Variants in NLGN4Y observed in about 807,000 individuals in gnomAD.
The protein encoded by NLGN4Y is neuroligin 4 Y-linked.
Under a neutral mutation model 8.4 loss-of-function variants are expected in NLGN4Y, and 4 were observed. The ratio of observed to expected loss-of-function variants is 0.48; its 90% confidence interval spans 0.23 to 1.09. The LOEUF is 1.09. Among genes scored for constraint, NLGN4Y ranks in the 50% least tolerant of loss-of-function variants. The probability of loss-of-function intolerance (pLI) is 0.19; values close to 1 mark genes in which losing one functional copy is unlikely to be tolerated. For missense variants in NLGN4Y, 90 were observed against 192.3 expected (o/e 0.47, Z 3.15); for synonymous variants, 35 against 75.6 (o/e 0.46, Z 2.78).
chrY:14,757,075 C>G, intron 4 of NLGN4Y, among the ~76,000 whole-genome samples: 3 of 28,570 alleles, frequency 1.1e-4, no homozygotes, highest in Non-Finnish European at 2.4e-4. Context: ...ATAGTCACAC[C>G]TCTTCAAATA....
Position 14,681,047 on chromosome Y carries a change from C to T in NLGN4Y, c.473-38412C>T, listed in dbSNP as rs764707542. ...GGCTGGTAGTCTTTAATGCAAGTCT[C>T]ATGGGCTATGCTGCACATACTCTTA... On this transcript the variant is annotated intron_variant, in intron 2 of 6. Transcript: ENST00000684976. Among the ~76,000 whole-genome samples the T allele has an allele frequency of 2.1e-4, 7 of 33,574 alleles. No individual in the cohort carries two copies. The East Asian group carries it at 5.6e-3, about 27-fold the overall frequency. The allele number at this position is 33,574 out of a possible 37,273, so 90.1% of individuals were successfully genotyped here.
chrY:14,704,005 AT>A (rs2080866354), intron 2 of NLGN4Y, among the ~76,000 whole-genome samples: 2 of 33,537 alleles, frequency 6.0e-5, no homozygotes, highest in African/African-American at 2.3e-4. Flanking sequence ...TTGCACATTG[AT>A]TTTGTATCCT....
intron 6 of NLGN4Y, among the ~76,000 whole-genome samples, chrY:14,834,554 C>G (rs2043190857): frequency 5.9e-5 from 2 of 34,114 alleles, no homozygotes; most frequent in Non-Finnish European, 1.5e-4. Flanking sequence ...TCAAATGATT[C>G]ATCAAGGAAG....
chrY:14,837,471 G>A, intron 6 of NLGN4Y, among the ~76,000 whole-genome samples: 3 of 33,615 alleles, frequency 8.9e-5, no homozygotes, highest in Non-Finnish European at 2.2e-4. Context: ...AGGAAGACAG[G>A]CATTGAGTCT....
chrY:14,836,579 C>T, intron 6 of NLGN4Y, among the ~76,000 whole-genome samples: 1 of 30,359 alleles, frequency 3.3e-5, no homozygotes, highest in Non-Finnish European at 7.9e-5. Flanking sequence ...ACTGCAACCT[C>T]CGCCTCTGGG....
At chrY:14,717,966 C>A (rs2080921742) in intron 2 of NLGN4Y, among the ~76,000 whole-genome samples, 1 of 33,682 alleles carries the variant, frequency 3.0e-5, no homozygotes, top group Admixed American at 2.7e-4. Flanking sequence ...ATGTGGTATA[C>A]CCATACAATG....
intron 2 of NLGN4Y, among the ~76,000 whole-genome samples, chrY:14,655,090 A>G: frequency 3.0e-5 from 1 of 33,022 alleles, no homozygotes; most frequent in African/African-American, 1.2e-4. Context: ...TGCTTTTTGT[A>G]TCCTACACTG....
chrY:14,795,690 A>G, intron 4 of NLGN4Y, among the ~76,000 whole-genome samples: 1 of 33,414 alleles, frequency 3.0e-5, no homozygotes, highest in Non-Finnish European at 7.4e-5. Flanking sequence ...TTCCTGCTTG[A>G]TTTGTGGGCT....
intron 1 of NLGN4Y, among the ~76,000 whole-genome samples, chrY:14,571,047 G>A (rs2080267562): frequency 6.1e-5 from 2 of 32,769 alleles, no homozygotes; most frequent in African/African-American, 2.4e-4. Flanking sequence ...GAATAGTGCA[G>A]CAATAAACAC....
intron 1 of NLGN4Y, among the ~76,000 whole-genome samples, chrY:14,569,618 C>T (rs2080262764): frequency 3.0e-5 from 1 of 33,159 alleles, no homozygotes; most frequent in East Asian, 7.9e-4. Context: ...ATTTATTTTC[C>T]TCTAGGTATA....
chrY:14,616,559 G>C, intron 1 of NLGN4Y, among the ~76,000 whole-genome samples: 1 of 32,824 alleles, frequency 3.0e-5, no homozygotes, highest in Non-Finnish European at 7.4e-5. Flanking sequence ...GATCTTTCCT[G>C]CTTTCCCTTG....
At chrY:14,782,084 G>A (rs1052307221) in intron 4 of NLGN4Y, among the ~76,000 whole-genome samples, 4 of 33,116 alleles carry the variant, frequency 1.2e-4, no homozygotes, top group Non-Finnish European at 3.0e-4. Context: ...GTCCCTGGAA[G>A]GTTTCATCAA....
intron 4 of NLGN4Y, among the ~76,000 whole-genome samples, chrY:14,819,371 T>A: frequency 2.9e-5 from 1 of 34,188 alleles, no homozygotes; most frequent in East Asian, 7.9e-4. Context: ...TAGCATGATA[T>A]CTTTCCAAGT....
intron 4 of NLGN4Y, among the ~76,000 whole-genome samples, chrY:14,739,901 T>A (rs747222512): frequency 3.1e-5 from 1 of 32,327 alleles, no homozygotes; most frequent in Non-Finnish European, 7.6e-5. Context: ...ATTGCTTTTC[T>A]CTTTTGTGAG....
chrY:14,598,772 C>A, intron 1 of NLGN4Y, among the ~76,000 whole-genome samples: 1 of 30,361 alleles, frequency 3.3e-5, no homozygotes, highest in Non-Finnish European at 7.8e-5. Context: ...CAATAATATC[C>A]CTGAATTACA....
chrY:14,526,885 A>G (rs1036009536), intron 1 of NLGN4Y, among the ~76,000 whole-genome samples: 3 of 33,029 alleles, frequency 9.1e-5, no homozygotes, highest in Non-Finnish European at 1.5e-4. Flanking sequence ...AAGGAATTTG[A>G]AAGTTCACAG....
intron 4 of NLGN4Y, among the ~76,000 whole-genome samples, chrY:14,780,708 T>A: frequency 3.0e-5 from 1 of 33,522 alleles, no homozygotes; most frequent in African/African-American, 1.2e-4. Flanking sequence ...AAGTGAGTCC[T>A]CACCAGCCAC....
At chrY:14,632,953 C>T in intron 2 of NLGN4Y, among the ~76,000 whole-genome samples, 1 of 32,994 alleles carries the variant, frequency 3.0e-5, no homozygotes, top group South Asian at 6.7e-4. Context: ...TGAATTATGC[C>T]TGTTTGAATA....
intron 2 of NLGN4Y, among the ~76,000 whole-genome samples, chrY:14,642,234 T>G: frequency 5.9e-5 from 2 of 33,655 alleles, no homozygotes. Flanking sequence ...GGCCAACACC[T>G]TCATCAGTAA....
Sources: gnomAD v4.1 joint callset for allele counts (sites outside exome capture counted in the v4.1 genomes callset) on GRCh38, gnomAD v4.1.1 for gene constraint, MANE v1.5 for transcripts, NCBI Gene and HGNC (gene_info 2026-07-23, HGNC 2026-07-21) for gene names.